The following SETBP1 variants were observed in gnomAD, a reference collection of about 807,000 sequenced individuals.
SETBP1 encodes SET binding protein 1.
Under a neutral mutation model 101.0 loss-of-function variants are expected in SETBP1, and 9 were observed. The observed-to-expected ratio is 0.09, with a 90% CI of 0.05 to 0.16. The LOEUF (loss-of-function observed/expected upper bound fraction) is 0.16. Ranked by LOEUF, SETBP1 falls within the 10% of genes least tolerant of loss-of-function variation. The probability of loss-of-function intolerance (pLI) is 1.00; values close to 1 mark genes in which losing one functional copy is unlikely to be tolerated. For missense variants in SETBP1, 1,858 were observed against 2,033.8 expected (o/e 0.91, Z 1.66); for synonymous variants, 818 against 788.5 (o/e 1.04, Z -0.63).
intron 1 of SETBP1, among the ~76,000 whole-genome samples, chr18:44,700,854 G>A (rs1295164047): frequency 6.6e-6 from 1 of 152,158 alleles, no homozygotes; most frequent in Non-Finnish European, 1.5e-5. Flanking sequence ...TTTTAACAGT[G>A]ACTCAGCCAG....
intron 2 of SETBP1, among the ~76,000 whole-genome samples, chr18:44,776,274 A>G (rs1568137681): frequency 6.6e-6 from 1 of 151,938 alleles, no homozygotes; most frequent in Admixed American, 6.5e-5. Flanking sequence ...TAGGGCTCAT[A>G]TTTTACTGTT....
intron 3 of SETBP1, among the ~76,000 whole-genome samples, chr18:44,903,896 T>C (rs2070110441): frequency 6.6e-6 from 1 of 152,226 alleles, no homozygotes; most frequent in Non-Finnish European, 1.5e-5. Flanking sequence ...CATTTGATAG[T>C]CTGATGTTGT....
intron 4 of SETBP1, among the ~76,000 whole-genome samples, chr18:45,023,022 C>A (rs2073100143): frequency 6.6e-6 from 1 of 152,048 alleles, no homozygotes; most frequent in South Asian, 2.1e-4. Flanking sequence ...CCTGGATAAC[C>A]AGTAGCTTGT....
chr18:44,841,244 C>T (rs1216760636), intron 2 of SETBP1, among the ~76,000 whole-genome samples: 1 of 152,146 alleles, frequency 6.6e-6, no homozygotes, highest in Non-Finnish European at 1.5e-5. Context: ...CTCATTCACA[C>T]ACTGGCAAAT....
chr18:44,980,760 C>T (rs946086069), intron 4 of SETBP1, among the ~76,000 whole-genome samples: 4 of 152,132 alleles, frequency 2.6e-5, no homozygotes, highest in Non-Finnish European at 5.9e-5. Context: ...ACAGTTTCCA[C>T]AGCTCTAGGT....
chr18:44,792,072 T>G (rs1303176776), intron 2 of SETBP1, among the ~76,000 whole-genome samples: 1 of 152,196 alleles, frequency 6.6e-6, no homozygotes, highest in Non-Finnish European at 1.5e-5. Context: ...ATTCTGCTTT[T>G]GGGCTTTGGG....
chr18:44,691,915 C>T (rs2068940573), intron 1 of SETBP1, among the ~76,000 whole-genome samples: 1 of 152,200 alleles, frequency 6.6e-6, no homozygotes, highest in Non-Finnish European at 1.5e-5. Context: ...GGAACTTGCC[C>T]AAGGCCACCA....
At chr18:44,886,297 A>G (rs542512457) in intron 3 of SETBP1, among the ~76,000 whole-genome samples, 3 of 152,256 alleles carry the variant, frequency 2.0e-5, no homozygotes, top group African/African-American at 4.8e-5. Flanking sequence ...CCATTCCAGT[A>G]GAGATGAGAC....
intron 3 of SETBP1, among the ~76,000 whole-genome samples, chr18:44,886,743 G>T (rs1785763454): frequency 7.2e-6 from 1 of 139,258 alleles, no homozygotes; most frequent in Admixed American, 7.3e-5. Context: ...AAAGATTGGT[G>T]GACTGTACAT....
At chr18:44,839,520 GC>G (rs1265862397) in intron 2 of SETBP1, among the ~76,000 whole-genome samples, 2 of 152,206 alleles carry the variant, frequency 1.3e-5, no homozygotes, top group Non-Finnish European at 2.9e-5. Flanking sequence ...CATGGGACGT[GC>G]CCTCTGCTAT....
At chr18:44,751,495 A>G (rs560360662) in intron 2 of SETBP1, among the ~76,000 whole-genome samples, 25 of 152,236 alleles carry the variant, frequency 1.6e-4, no homozygotes, top group South Asian at 8.3e-4. Flanking sequence ...TTGACAATGA[A>G]TCATATGGAA....
At position 44,951,546 on chromosome 18, in the gene SETBP1, C is replaced by T; in HGVS notation, c.2206C>T (p.Pro736Ser). ...GGGCAGGAAGCCAAGAGCAGAGCTGCCACCCCCATCCGAAGAACCCAAAAC... is the reference window on the plus strand; with the variant it reads ...GGGCAGGAAGCCAAGAGCAGAGCTGTCACCCCCATCCGAAGAACCCAAAAC... ...KRGRKPRAEL[P>S]PPSEEPKTAI... Residue 736 changes from proline to serine, a missense_variant, in exon 4 of 6, where the codon CCA becomes TCA. Coordinates refer to ENST00000649279, the MANE Select transcript of SETBP1 (RefSeq NM_015559.3). The surrounding 1 kb of genome is among the most constrained non-coding windows in gnomAD (Gnocchi z 7.8). 6.2e-7 allele frequency: 1 copy of T among 1,614,096 alleles called. No homozygotes were observed. The highest frequency in any genetic ancestry group is 8.5e-7 in the Non-Finnish European group (1 of 1,180,024).
At chr18:44,784,760 A>G (rs966524322) in intron 2 of SETBP1, among the ~76,000 whole-genome samples, 5 of 152,214 alleles carry the variant, frequency 3.3e-5, no homozygotes, top group African/African-American at 9.6e-5. Flanking sequence ...TCTTATGAGA[A>G]ATTTAACAAC....
chr18:45,001,418 T>C (rs1235287719), intron 4 of SETBP1, among the ~76,000 whole-genome samples: 1 of 152,232 alleles, frequency 6.6e-6, no homozygotes, highest in Admixed American at 6.5e-5. Context: ...CAGTATTCTA[T>C]GTCAGTAGAA....
rs187807514 is a variant in SETBP1, at chr18:44,881,309, A to T, written c.540+12026A>T. Among the ~76,000 whole-genome samples, 318 of 152,276 alleles carry T rather than the reference A, an allele frequency of 2.1e-3. 4 individuals are homozygous for T. The highest frequency in any genetic ancestry group is 4.6e-3 in the Admixed American group (70 of 15,292). On this transcript the variant is annotated intron_variant, in intron 3 of 5. Coordinates refer to ENST00000649279, the MANE Select transcript of SETBP1 (RefSeq NM_015559.3). The stretch of plus-strand genomic sequence containing the variant: ...CTCAAACCCATTGCATTTTTGGTTT[A>T]TTGGCATCTTGTGAACAATGACCTA...
At chr18:44,743,390 ATTG>A (rs1269358993) in intron 2 of SETBP1, among the ~76,000 whole-genome samples, 11 of 152,196 alleles carry the variant, frequency 7.2e-5, no homozygotes, top group African/African-American at 2.4e-4. Flanking sequence ...TCAATTTACT[ATTG>A]TTGGCCAGTA....
intron 2 of SETBP1, among the ~76,000 whole-genome samples, chr18:44,786,260 A>AT (rs1332922756): frequency 1.3e-5 from 2 of 151,992 alleles, no homozygotes; most frequent in Non-Finnish European, 2.9e-5. Flanking sequence ...GACATCCTAG[A>AT]TTTTTTCCTG....
In SETBP1 at chr18:44,701,419, G is replaced by T; in HGVS notation, c.73G>T (p.Ala25Ser). The T allele has an allele frequency of 6.3e-7, 1 of 1,594,374 alleles. No individual in the cohort carries two copies. Among genetic ancestry groups the T allele is most frequent in the Non-Finnish European group, 8.6e-7 (1 of 1,169,582 alleles). The change falls in exon 2 of 6, where the codon GCC (alanine) becomes TCC (serine). Residue 25 changes from alanine (A) to serine (S), a missense_variant. Coordinates refer to ENST00000649279, the MANE Select transcript of SETBP1 (RefSeq NM_015559.3). ...GTCAGACTTCCTGCCGGTCTCCTCA[G>T]CCAAGCCCCCAGCTGCTCCTGGCTG... ...GESDFLPVSS[A>S]KPPAAPGCAG... is the part of the protein sequence containing the mutation.
rs190689460 is a variant in SETBP1 at position 45,054,213 on chromosome 18, A to T, written c.4172-8866A>T. Among the ~76,000 whole-genome samples, 153 of 151,554 alleles carry T rather than the reference A, an allele frequency of 1.0e-3. 1 individual carries two copies. The highest frequency in any genetic ancestry group is 3.4e-3 in the African/African-American group (140 of 41,286). Reference sequence around the variant, plus strand: ...CTAATTTTTTTTTTTTTTGAGATAGAGTCTGGCTCTGTTGCCCAGGCTGGA... The same window carrying T: ...CTAATTTTTTTTTTTTTTGAGATAGTGTCTGGCTCTGTTGCCCAGGCTGGA... On this transcript the variant is annotated intron_variant, in intron 5 of 5. Transcript: ENST00000649279.
Sources: gnomAD v4.1 joint callset for allele counts (sites outside exome capture counted in the v4.1 genomes callset) on GRCh38, gnomAD v4.1.1 for gene constraint, Gnocchi (gnomAD v3.1) non-coding constraint, MANE v1.5 for transcripts, NCBI Gene and HGNC (gene_info 2026-07-23, HGNC 2026-07-21) for gene names.